The following UBXN6 variants were observed in gnomAD, a reference collection of about 807,000 sequenced individuals.
The protein encoded by UBXN6 is UBX domain protein 6.
Under a neutral mutation model 51.4 loss-of-function variants are expected in UBXN6, and 44 were observed. That is an observed-to-expected ratio of 0.86 (90% confidence interval 0.67 to 1.10). The LOEUF (loss-of-function observed/expected upper bound fraction) is 1.10, where lower values mean the gene tolerates loss of function less well. UBXN6 is among the 50% of genes least tolerant of loss of function. UBXN6 has a pLI of 0.00. For synonymous variants in UBXN6, 316 were observed against 263.2 expected, an observed-to-expected ratio of 1.20 and a Z score of -1.94; for missense variants, 672 against 596.1, an observed-to-expected ratio of 1.13 and a Z score of -1.32.
rs1974482837 is a variant in UBXN6 at position 4,445,327 on chromosome 19, G to T, written c.*171C>A. On this transcript the variant is annotated 3_prime_UTR_variant, in exon 11 of 11. Transcript: ENST00000301281. Reference sequence around the variant, plus strand: ...CATCCCCACAGCCCCCAAGGGATGGGGGCTCTGCCACGGGGCCCAATTCCA... The same window carrying T: ...CATCCCCACAGCCCCCAAGGGATGGTGGCTCTGCCACGGGGCCCAATTCCA... 1.7e-6 allele frequency: 2 copies of T among 1,152,000 alleles called. No homozygotes were observed. The highest frequency in any genetic ancestry group is 4.5e-5 in the Admixed American group (2 of 44,128). The allele number at this position is 1,152,000 out of a possible 1,614,324, so 71.4% of individuals were successfully genotyped here.
rs149610347 is a variant in UBXN6 at position 4,446,891 on chromosome 19, G to A, written c.645C>T (p.His215=). The A allele has an allele frequency of 2.3e-3, 3,702 of 1,613,962 alleles. 13 individuals are homozygous for A. Among genetic ancestry groups the A allele is most frequent in the Middle Eastern group, 9.6e-3 (58 of 6,062 alleles). ...QERINCLEGT[H]EFFEAIGFQK... Reference sequence around the variant, plus strand: ...GGAACCCAATGGCCTCAAAAAACTCGTGGGTCCCTTCCAGGCAGTTAATGC... The same window carrying A: ...GGAACCCAATGGCCTCAAAAAACTCATGGGTCCCTTCCAGGCAGTTAATGC... Residue 215 remains histidine (H), a synonymous_variant, in exon 7 of 11, where the codon CAC becomes CAT. Transcript: ENST00000301281.
In UBXN6 at chr19:4,445,575, C is replaced by T. The variant is rs368648392; in HGVS notation, c.1249G>A (p.Asp417Asn). The T allele has an allele frequency of 2.0e-5, 33 of 1,613,678 alleles. No homozygotes were observed. The highest frequency in any genetic ancestry group is 3.3e-5 in the South Asian group (3 of 91,092). ...GGCTCGGCCCCCGCGGCCTTGATGT[C>T]CTCCAGCACAGCCATGTCCCACGAG... ...TFSWDMAVLE[D>N]IKAAGAEPDS... The change falls in exon 11 of 11, where the codon GAC (aspartate) becomes AAC (asparagine). Residue 417 changes from aspartate (D) to asparagine (N), a missense_variant. Coordinates refer to ENST00000301281, the MANE Select transcript of UBXN6 (RefSeq NM_025241.3).
In UBXN6 at chr19:4,453,910, C is replaced by G; in HGVS notation, c.247+20G>C. On this transcript the variant is annotated intron_variant, in intron 2 of 10. Coordinates refer to ENST00000301281, the MANE Select transcript of UBXN6 (RefSeq NM_025241.3). ...ACCTCAAACAGCCCCAACCTGGGCCCGAGGAGGGCCATATCTCACCCTGGT... is the reference window on the plus strand; with the variant it reads ...ACCTCAAACAGCCCCAACCTGGGCCGGAGGAGGGCCATATCTCACCCTGGT... 2 of 1,604,328 alleles carry G rather than the reference C, an allele frequency of 1.2e-6. No homozygotes were observed. Among genetic ancestry groups the G allele is most frequent in the Non-Finnish European group, 1.7e-6 (2 of 1,178,864 alleles).
chr19:4,457,531 C>T (rs1190898477), intron 1 of UBXN6, 84 bp downstream of exon 1: 2 of 1,250,160 alleles, frequency 1.6e-6, no homozygotes, highest in Non-Finnish European at 2.1e-6. Flanking sequence ...CCTCTCCGAT[C>T]TCCCGAGCCG....
In UBXN6 at chr19:4,453,946, G is replaced by T. The variant is rs747786324; in HGVS notation, c.231C>A (p.Asp77Glu). 238 of 1,610,644 alleles carry T rather than the reference G, an allele frequency of 1.5e-4. No homozygotes were observed. The highest frequency in any genetic ancestry group is 9.7e-4 in the South Asian group (88 of 91,062). The change falls in exon 2 of 11, where the codon GAC (aspartate) becomes GAA (glutamate). Residue 77 changes from aspartate (D) to glutamate (E), a missense_variant. Coordinates refer to ENST00000301281, the MANE Select transcript of UBXN6 (RefSeq NM_025241.3). ...QSRAWGPTSQDTIRNQVRKEL... is the reference protein window; with the variant it reads ...QSRAWGPTSQETIRNQVRKEL... ...ATATCTCACCCTGGTTTCGGATGGTGTCCTGCGATGTGGGGCCCCAGGCCC... is the reference window on the plus strand; with the variant it reads ...ATATCTCACCCTGGTTTCGGATGGTTTCCTGCGATGTGGGGCCCCAGGCCC...
At chr19:4,446,802 C>A (rs371728558) in intron 7 of UBXN6, 34 bp downstream of exon 7, 6 of 1,613,932 alleles carry the variant, frequency 3.7e-6, no homozygotes, top group South Asian at 3.3e-5. Context: ...CCCCTCGTCC[C>A]CATTCCCTAC....
chr19:4,448,760 C>T lies in UBXN6; in HGVS notation c.442-345G>A, dbSNP rs1974595246. 10 of 280,336 alleles carry T rather than the reference C, an allele frequency of 3.6e-5. No homozygotes were observed. The South Asian group carries it at 3.8e-4, about 11-fold the overall frequency. 17.4% of individuals were successfully genotyped at this position (280,336 alleles called of 1,614,324 possible). ...CAGTGCTGAGATCCATCAAGGCCAC[C>T]GCCACTTACAGAACCTCCCGCCACC... On this transcript the variant is annotated intron_variant, in intron 4 of 10. Transcript: ENST00000301281.
intron 6 of UBXN6, 98 bp downstream of exon 6, chr19:4,447,452 C>A: frequency 7.3e-7 from 1 of 1,367,556 alleles, no homozygotes; most frequent in Non-Finnish European, 1.0e-6. Context: ...GCTAGCTCCT[C>A]CAGGGAGCCC....
rs780606829 is a variant in UBXN6 at position 4,453,993 on chromosome 19, G to A, written c.184C>T (p.Arg62Trp). 1.1e-5 allele frequency: 17 copies of A among 1,610,002 alleles called. No homozygotes were observed. The highest frequency in any genetic ancestry group is 2.2e-5 in the East Asian group (1 of 44,808). ...GCCCGGGACTGCTTCTGCTCCAGCC[G>A]GGCTAGGGCGGCAGCGGCTGCCATC... ...AQMAAAAALA[R>W]LEQKQSRAWG... Residue 62 changes from arginine (R) to tryptophan (W), a missense_variant, in exon 2 of 11, where the codon CGG becomes TGG. Coordinates refer to ENST00000301281, the MANE Select transcript of UBXN6 (RefSeq NM_025241.3).
Position 4,453,498 on chromosome 19 carries a change from G to T in UBXN6, c.272C>A (p.Ala91Asp). ...GGCCTCGGGGCTCCCGCTGACGGTG[G>T]CTTCGGCTTGAAGTTCCTTTCTCAC... Reference protein sequence around the residue: ...NQVRKELQAEATVSGSPEAPG... With the variant: ...NQVRKELQAEDTVSGSPEAPG... The change falls in exon 3 of 11, where the codon GCC becomes GAC. Residue 91 changes from alanine to aspartate, a missense_variant. Coordinates refer to ENST00000301281, the MANE Select transcript of UBXN6 (RefSeq NM_025241.3). 1 of 1,613,862 alleles carries T rather than the reference G, an allele frequency of 6.2e-7. No individual in the cohort carries two copies. The highest frequency in any genetic ancestry group is 8.5e-7 in the Non-Finnish European group (1 of 1,179,942).
chr19:4,454,000 G>T lies in UBXN6; in HGVS notation c.177C>A (p.Ala59=). The change falls in exon 2 of 11, where the codon GCC becomes GCA. Residue 59 remains alanine (A), a synonymous_variant. Transcript: ENST00000301281. ...TNEAQMAAAA[A]LARLEQKQSR... ...ACTGCTTCTGCTCCAGCCGGGCTAG[G>T]GCGGCAGCGGCTGCCATCTGTGCCT... The T allele has an allele frequency of 6.2e-7, 1 of 1,609,288 alleles. No individual in the cohort carries two copies.
At position 4,446,205 on chromosome 19, in the gene UBXN6, G is replaced by GT; in HGVS notation, c.1052-9dup. ...CCCGAGCGTAGAAAGTGCCTGGGGA[G>GT]TGGGGGAGTCAGAGCGGGTGGGGCC... On this transcript the variant is annotated splice_polypyrimidine_tract_variant and intron_variant, in intron 9 of 10. Transcript: ENST00000301281. 6.3e-7 allele frequency: 1 copy of GT among 1,598,004 alleles called. No homozygotes were observed. Among genetic ancestry groups the GT allele is most frequent in the Non-Finnish European group, 8.5e-7 (1 of 1,175,434 alleles).
At chr19:4,456,258 C>T (rs1445286881) in intron 1 of UBXN6, among the ~76,000 whole-genome samples, 2 of 150,288 alleles carry the variant, frequency 1.3e-5, no homozygotes, top group South Asian at 2.1e-4. Flanking sequence ...AGGGCTCCCC[C>T]GATTTGCCCC....
chr19:4,456,565 T>C (rs1313497190), intron 1 of UBXN6, among the ~76,000 whole-genome samples: 1 of 151,728 alleles, frequency 6.6e-6, no homozygotes, highest in Non-Finnish European at 1.5e-5. Context: ...AGCTCTCCAG[T>C]TTCCCTTTTC....
chr19:4,448,485 A>T, intron 4 of UBXN6, 70 bp from the exon 5 acceptor site: 1 of 1,277,190 alleles, frequency 7.8e-7, no homozygotes. Flanking sequence ...CTGCCCAGGT[A>T]ACAGGGGCAG....
At position 4,453,939 on chromosome 19, in the gene UBXN6, G is replaced by A. The variant is rs768286506; in HGVS notation, c.238C>T (p.Arg80Ter). The A allele has an allele frequency of 3.7e-6, 6 of 1,610,174 alleles. No individual in the cohort carries two copies. Among genetic ancestry groups the A allele is most frequent in the Middle Eastern group, 1.6e-4 (1 of 6,070 alleles). The change falls in exon 2 of 11, where the codon CGA becomes TGA. Residue 80 changes from arginine (R) to a stop codon, truncating the protein, a stop_gained. Transcript: ENST00000301281. LOFTEE classifies it high-confidence loss of function. ...AWGPTSQDTI[R>*]NQVRKELQAE... ...GAGGGCCATATCTCACCCTGGTTTCGGATGGTGTCCTGCGATGTGGGGCCC... is the reference window on the plus strand; with the variant it reads ...GAGGGCCATATCTCACCCTGGTTTCAGATGGTGTCCTGCGATGTGGGGCCC...
At chr19:4,455,166 T>A (rs1265548307) in intron 1 of UBXN6, 4 of 979,884 alleles carry the variant, frequency 4.1e-6, no homozygotes, top group Non-Finnish European at 4.8e-6. Context: ...TCTCCCAACC[T>A]GCTCGGACGC....
intron 4 of UBXN6, chr19:4,448,911 G>C (rs1419951588): frequency 6.1e-6 from 1 of 162,766 alleles, no homozygotes; most frequent in Non-Finnish European, 1.4e-5. Context: ...GCAGGTGGCA[G>C]AGAGGACACA....
In UBXN6 at chr19:4,446,338, G is replaced by T. The variant is rs1342592150; in HGVS notation, c.996C>A (p.Arg332=). The change falls in exon 9 of 11, where the codon CGC becomes CGA. Residue 332 remains arginine, a synonymous_variant. Coordinates refer to ENST00000301281, the MANE Select transcript of UBXN6 (RefSeq NM_025241.3). ...MREKEEQRGL[R]KYNYTLLRVR... ...CGCGCAGCAGCGTGTAGTTGTACTT[G>T]CGCAGCCCCCGCTGCTCCTCCTTCT... 1.3e-6 allele frequency: 2 copies of T among 1,571,338 alleles called. No homozygotes were observed. Among genetic ancestry groups the T allele is most frequent in the African/African-American group, 2.7e-5 (2 of 74,424 alleles).
Sources: gnomAD v4.1 joint callset for allele counts (sites outside exome capture counted in the v4.1 genomes callset) on GRCh38, gnomAD v4.1.1 for gene constraint, MANE v1.5 for transcripts, NCBI Gene and HGNC (gene_info 2026-07-23, HGNC 2026-07-21) for gene names.